The following ASRGL1 variants were observed in gnomAD, a reference collection of about 807,000 sequenced individuals.
The protein encoded by ASRGL1 is isoaspartyl peptidase/L-asparaginase.
In ASRGL1, 16 loss-of-function variants were observed where a neutral mutation model predicts 22.4. The ratio of observed to expected loss-of-function variants is 0.71; its 90% confidence interval spans 0.48 to 1.08. The LOEUF (loss-of-function observed/expected upper bound fraction) is 1.08, where lower values mean the gene tolerates loss of function less well. Ranked by LOEUF, ASRGL1 falls within the 50% of genes least tolerant of loss-of-function variation. The pLI is 0.00. For missense variants in ASRGL1, 412 were observed against 410.1 expected, an observed-to-expected ratio of 1.00 and a Z score of -0.04; for synonymous variants, 165 against 159.3, an observed-to-expected ratio of 1.04 and a Z score of -0.27.
intron 4 of ASRGL1, among the ~76,000 whole-genome samples, chr11:62,375,023 G>T (rs760289075): frequency 3.6e-4 from 55 of 151,728 alleles, no homozygotes; most frequent in Non-Finnish European, 6.6e-4. Flanking sequence ...CCCAGCCTTT[G>T]CAGGAGCCGC....
At chr11:62,375,838 A>G (rs528968588) in intron 4 of ASRGL1, among the ~76,000 whole-genome samples, 1 of 151,970 alleles carries the variant, frequency 6.6e-6, no homozygotes, top group Admixed American at 6.5e-5. Context: ...GCGGCCAGGC[A>G]TGGTGGCTCA....
intron 2 of ASRGL1, among the ~76,000 whole-genome samples, chr11:62,347,870 T>C (rs1165504666): frequency 1.3e-5 from 2 of 152,172 alleles, no homozygotes; most frequent in Admixed American, 1.3e-4. Context: ...GAGGTTGTAG[T>C]GAGCCAAGAT....
intron 5 of ASRGL1, 184 bp downstream of exon 5, chr11:62,389,435 G>C (rs776682154): frequency 1.0e-5 from 7 of 694,538 alleles, no homozygotes; most frequent in Admixed American, 6.1e-5. Context: ...CCTTGAGAGG[G>C]TGTTTGTATC....
At chr11:62,389,002 G>T in intron 4 of ASRGL1, 131 bp from the exon 5 acceptor site, 1 of 786,962 alleles carries the variant, frequency 1.3e-6, no homozygotes, top group Non-Finnish European at 2.1e-6. Flanking sequence ...GTTCTTTCTA[G>T]AATGTTGGAA....
intron 2 of ASRGL1, among the ~76,000 whole-genome samples, chr11:62,341,301 C>T (rs1362008919): frequency 6.6e-6 from 1 of 150,962 alleles, no homozygotes; most frequent in Non-Finnish European, 1.5e-5. Context: ...CAGGTTCAAG[C>T]GATTCTCCTG....
chr11:62,359,478 T>C (rs1946382787), intron 4 of ASRGL1, among the ~76,000 whole-genome samples: 1 of 152,220 alleles, frequency 6.6e-6, no homozygotes, highest in Non-Finnish European at 1.5e-5. Flanking sequence ...TAATATATTT[T>C]ATTTAACCAA....
intron 4 of ASRGL1, chr11:62,382,144 CGGGCCCAGTGGCG>C (rs1565172696): frequency 6.6e-6 from 1 of 152,096 alleles, no homozygotes; most frequent in African/African-American, 2.4e-5. Context: ...AAAAATTAGC[CGGGCCCAGTGGCG>C]GGTGCCTGTA....
chr11:62,375,482 T>C (rs111446051), intron 4 of ASRGL1, among the ~76,000 whole-genome samples: 1 of 70,914 alleles, frequency 1.4e-5, no homozygotes, highest in Non-Finnish European at 3.0e-5. Context: ...ATATATATAT[T>C]TCTTGGAGTA....
intron 4 of ASRGL1, among the ~76,000 whole-genome samples, chr11:62,383,834 G>T (rs898985871): frequency 1.2e-4 from 17 of 144,938 alleles, no homozygotes; most frequent in African/African-American, 4.1e-4. Context: ...TGAGGCAGGA[G>T]AACTGCTAGA....
intron 4 of ASRGL1, among the ~76,000 whole-genome samples, chr11:62,364,976 G>A (rs1262435428): frequency 6.6e-6 from 1 of 151,752 alleles, no homozygotes; most frequent in Admixed American, 6.6e-5. Context: ...GGCTGAGGCA[G>A]TGGAATCGCT....
At chr11:62,344,113 A>T (rs1485573082) in intron 2 of ASRGL1, among the ~76,000 whole-genome samples, 8 of 148,824 alleles carry the variant, frequency 5.4e-5, no homozygotes, top group African/African-American at 2.0e-4. Context: ...GGCCAGGCTG[A>T]TCTTGAACTC....
At chr11:62,388,028 A>G (rs1483712565) in intron 4 of ASRGL1, among the ~76,000 whole-genome samples, 6 of 152,180 alleles carry the variant, frequency 3.9e-5, no homozygotes, top group Non-Finnish European at 7.3e-5. Flanking sequence ...ACAAACCCAG[A>G]TAGGAGAGAC....
intron 2 of ASRGL1, among the ~76,000 whole-genome samples, chr11:62,355,168 C>A (rs1235362869): frequency 6.6e-6 from 1 of 152,132 alleles, no homozygotes; most frequent in Non-Finnish European, 1.5e-5. Flanking sequence ...TCCGCCTCGG[C>A]CTCCCAAAGT....
At chr11:62,338,266 T>C in intron 2 of ASRGL1, 99 bp downstream of exon 2, 1 of 1,235,176 alleles carries the variant, frequency 8.1e-7, no homozygotes, top group Admixed American at 3.2e-5. Context: ...TAATGAGCTT[T>C]GGGGTGAAAC....
intron 2 of ASRGL1, among the ~76,000 whole-genome samples, chr11:62,348,073 TATC>T: frequency 6.6e-6 from 1 of 152,348 alleles, no homozygotes; most frequent in Non-Finnish European, 1.5e-5. Context: ...TTGTATCAGG[TATC>T]ATAAGTGATT....
intron 4 of ASRGL1, among the ~76,000 whole-genome samples, chr11:62,359,013 T>C (rs997991198): frequency 2.6e-5 from 4 of 152,200 alleles, no homozygotes; most frequent in Non-Finnish European, 4.4e-5. Context: ...GTTCTGAAGA[T>C]TGTTACAGAG....
At chr11:62,384,026 A>G (rs867324488) in intron 4 of ASRGL1, among the ~76,000 whole-genome samples, 39 of 136,134 alleles carry the variant, frequency 2.9e-4, no homozygotes, top group Admixed American at 6.9e-4. Flanking sequence ...GTGTGTGTGC[A>G]CGTGTGTGCG....
rs559142152 is a variant in ASRGL1, at chr11:62,355,476, G to A, written c.191-849G>A. 9.2e-5 allele frequency among the ~76,000 whole-genome samples: 14 copies of A among 152,038 alleles called. No individual in the cohort carries two copies. The East Asian group carries it at 1.2e-3, about 13-fold the overall frequency. ...CCTGACCTCATGATCTGCCCGCCTC[G>A]GCCTCCCAAAGTGCTGGAATTACAG... On this transcript the variant is annotated intron_variant, in intron 2 of 6. Coordinates refer to ENST00000415229, the MANE Select transcript of ASRGL1 (RefSeq NM_001083926.2).
intron 4 of ASRGL1, among the ~76,000 whole-genome samples, chr11:62,366,675 T>C (rs1686999512): frequency 1.3e-5 from 2 of 152,180 alleles, no homozygotes; most frequent in East Asian, 3.8e-4. Flanking sequence ...TTCTTTTACT[T>C]TTTTAACATT....
Sources: gnomAD v4.1 joint callset for allele counts (sites outside exome capture counted in the v4.1 genomes callset) on GRCh38, gnomAD v4.1.1 for gene constraint, MANE v1.5 for transcripts, NCBI Gene and HGNC (gene_info 2026-07-23, HGNC 2026-07-21) for gene names.